TEKT5: variants seen among roughly 807,000 people sequenced by gnomAD.
TEKT5 encodes tektin-5.
Under a neutral mutation model 48.7 loss-of-function variants are expected in TEKT5, and 52 were observed. That is an observed-to-expected ratio of 1.07 (90% CI 0.86 to 1.35). TEKT5 has a LOEUF of 1.35. TEKT5 is among the 40% of genes most tolerant of loss of function. The pLI is 0.00. For synonymous variants in TEKT5, 318 were observed against 267.6 expected (o/e 1.19, Z -1.84); for missense variants, 831 against 641.6 (o/e 1.30, Z -3.19).
At chr16:10,690,784 G>A (rs1898958618) in intron 1 of TEKT5, 1 of 985,284 alleles carries the variant, frequency 1.0e-6, no homozygotes, top group African/African-American at 1.7e-5. Flanking sequence ...CTGACAAACA[G>A]CAGTGATTAG....
At chr16:10,644,222 T>C (rs1440533089) in intron 5 of TEKT5, among the ~76,000 whole-genome samples, 1 of 152,160 alleles carries the variant, frequency 6.6e-6, no homozygotes, top group African/African-American at 2.4e-5. Flanking sequence ...CGTCATTTGA[T>C]ACCCACAACT....
chr16:10,694,649 G>A lies in TEKT5; in HGVS notation c.225C>T (p.Pro75=). Residue 75 remains proline, a synonymous_variant, in exon 1 of 7, where the codon CCC becomes CCT. Transcript: ENST00000283025. ...PDESTSTLRP[P]TILPTLRSAL... is the part of the protein sequence containing the mutation. Reference sequence around the variant, plus strand: ...CGGAGCGCAGTGTGGGCAGGATGGTGGGCGGCCGCAGGGTACTGGTGCTCT... The same window carrying A: ...CGGAGCGCAGTGTGGGCAGGATGGTAGGCGGCCGCAGGGTACTGGTGCTCT... 6.2e-7 allele frequency: 1 copy of A among 1,613,040 alleles called. No individual in the cohort carries two copies. The highest frequency in any genetic ancestry group is 2.2e-5 in the East Asian group (1 of 44,884).
chr16:10,665,239 C>A (rs1303253729), intron 5 of TEKT5, among the ~76,000 whole-genome samples: 9 of 152,140 alleles, frequency 5.9e-5, no homozygotes, highest in Admixed American at 1.3e-4. Flanking sequence ...AATGCTGGGG[C>A]ATAACATTAC....
intron 5 of TEKT5, among the ~76,000 whole-genome samples, chr16:10,659,799 T>C (rs368497324): frequency 2.0e-5 from 3 of 152,116 alleles, no homozygotes; most frequent in South Asian, 4.1e-4. Context: ...GAAAGGTGAA[T>C]GGGGAAAGTT....
chr16:10,651,340 C>T (rs1267762654), intron 5 of TEKT5, among the ~76,000 whole-genome samples: 1 of 152,158 alleles, frequency 6.6e-6, no homozygotes, highest in African/African-American at 2.4e-5. Flanking sequence ...GCTTCATTTT[C>T]TCTCTAGCCC....
intron 3 of TEKT5, 58 bp from the exon 4 acceptor site, chr16:10,682,194 G>C: frequency 6.3e-7 from 1 of 1,581,366 alleles, no homozygotes; most frequent in Non-Finnish European, 8.6e-7. Flanking sequence ...ACCCAGCTTG[G>C]GCCACACAGC....
chr16:10,636,429 T>A (rs781136254), intron 5 of TEKT5, among the ~76,000 whole-genome samples: 1 of 151,572 alleles, frequency 6.6e-6, no homozygotes, highest in Non-Finnish European at 1.5e-5. Context: ...TATCCTCTTG[T>A]CACCGGGGCA....
At chr16:10,639,168 A>G (rs1345656723) in intron 5 of TEKT5, among the ~76,000 whole-genome samples, 1 of 152,000 alleles carries the variant, frequency 6.6e-6, no homozygotes, top group Non-Finnish European at 1.5e-5. Flanking sequence ...TTAGCCAGGC[A>G]TGGTGGTGCA....
chr16:10,684,726 G>C (rs1898827633), intron 3 of TEKT5, among the ~76,000 whole-genome samples: 2 of 152,192 alleles, frequency 1.3e-5, no homozygotes, highest in Non-Finnish European at 1.5e-5. Flanking sequence ...ATGAGGCCTA[G>C]GGAAAGAGGA....
chr16:10,694,269 C>A (rs375105383), intron 1 of TEKT5, 41 bp downstream of exon 1: 4 of 1,517,122 alleles, frequency 2.6e-6, no homozygotes, highest in Non-Finnish European at 3.5e-6. Context: ...TGCAGTATCC[C>A]CAGGACACAG....
intron 5 of TEKT5, among the ~76,000 whole-genome samples, chr16:10,666,613 G>C (rs533669157): frequency 3.3e-5 from 5 of 152,222 alleles, no homozygotes; most frequent in Non-Finnish European, 5.9e-5. Flanking sequence ...CAACTTCTAA[G>C]AAAATGCAGA....
Position 10,637,438 on chromosome 16 carries a change from G to GGGGAGGA in TEKT5, c.1087-1527_1087-1521dup, listed in dbSNP as rs1897931821. ...ATATAAGAATGCAAGAAGGGAGGGA[G>GGGGAGGA]GGGAGGAGGAAGGAGGAGGGGAGAG... On this transcript the variant is annotated intron_variant, in intron 5 of 6. Transcript: ENST00000283025. Among the ~76,000 whole-genome samples the GGGGAGGA allele has an allele frequency of 2.0e-5, 3 of 152,032 alleles. No individual in the cohort carries two copies. In the East Asian group the frequency reaches 5.8e-4, roughly 29 times the overall value.
chr16:10,637,217 G>T (rs1345363501), intron 5 of TEKT5, among the ~76,000 whole-genome samples: 2 of 151,668 alleles, frequency 1.3e-5, no homozygotes, highest in Admixed American at 6.6e-5. Context: ...TGTATTTTTA[G>T]TACAGATGGG....
At chr16:10,685,191 C>G (rs9925882) in intron 3 of TEKT5, among the ~76,000 whole-genome samples, 18,979 of 152,234 alleles carry the variant, frequency 0.12, 1,304 homozygotes, top group African/African-American at 0.18. Context: ...CTGCTCTCAT[C>G]CTCTTCCTCA....
intron 5 of TEKT5, among the ~76,000 whole-genome samples, chr16:10,644,120 C>A (rs1156987932): frequency 6.6e-6 from 1 of 152,172 alleles, no homozygotes; most frequent in Non-Finnish European, 1.5e-5. Context: ...TTTAAAGTTA[C>A]ACAAGGGGCT....
intron 3 of TEKT5, among the ~76,000 whole-genome samples, chr16:10,682,613 C>T (rs1898776375): frequency 6.6e-6 from 1 of 152,218 alleles, no homozygotes. Flanking sequence ...CAGGCATAAG[C>T]CACCACACCT....
Position 10,659,819 on chromosome 16 carries a change from T to C in TEKT5, c.1086+16140A>G, listed in dbSNP as rs868614028. On this transcript the variant is annotated intron_variant, in intron 5 of 6. Transcript: ENST00000283025. ...GTGAATGGGGAAAGTTTGGGGAGGA[T>C]AGATTTCAGTGGGCACAGGGTTTTG... 7.2e-5 allele frequency among the ~76,000 whole-genome samples: 11 copies of C among 152,320 alleles called. No homozygotes were observed. The South Asian group carries it at 8.3e-4, about 11-fold the overall frequency.
At chr16:10,660,687 GTGTGTGT>G (rs1294776050) in intron 5 of TEKT5, among the ~76,000 whole-genome samples, 1 of 150,614 alleles carries the variant, frequency 6.6e-6, no homozygotes, top group East Asian at 1.9e-4. Flanking sequence ...GTGTGTGTGT[GTGTGTGT>G]GTGTGTGTGT....
At chr16:10,640,106 C>CTTCCT (rs1897972712) in intron 5 of TEKT5, among the ~76,000 whole-genome samples, 1 of 73,494 alleles carries the variant, frequency 1.4e-5, no homozygotes, top group African/African-American at 8.9e-5. Context: ...CTCTCCCCTC[C>CTTCCT]TCCCGTCTTC....
Sources: gnomAD v4.1 joint callset for allele counts (sites outside exome capture counted in the v4.1 genomes callset) on GRCh38, gnomAD v4.1.1 for gene constraint, MANE v1.5 for transcripts, NCBI Gene and HGNC (gene_info 2026-07-23, HGNC 2026-07-21) for gene names.